CREM: variants seen among roughly 807,000 people sequenced by gnomAD.
CREM encodes the protein cAMP responsive element modulator, also known as cAMP-responsive element modulator.
CREM carries 13 observed loss-of-function variants against 37.3 expected under a neutral mutation model. The ratio of observed to expected loss-of-function variants is 0.35; its 90% CI spans 0.23 to 0.55. The LOEUF (loss-of-function observed/expected upper bound fraction) is 0.55, where lower values mean the gene tolerates loss of function less well. Among genes scored for constraint, CREM ranks in the 20% least tolerant of loss-of-function variants. The pLI is 0.88. For missense variants in CREM, 296 were observed against 362.3 expected (o/e 0.82, Z 1.49); for synonymous variants, 124 against 120.2 (o/e 1.03, Z -0.21).
intron 3 of CREM, chr10:35,158,587 T>G: frequency 6.3e-6 from 1 of 158,864 alleles, no homozygotes; most frequent in South Asian, 1.8e-4. Context: ...CCTCTTGGCC[T>G]TTGTCTGCAA....
intron 5 of CREM, among the ~76,000 whole-genome samples, chr10:35,186,980 TGTG>T (rs1328312531): frequency 8.5e-5 from 8 of 94,486 alleles, no homozygotes; most frequent in Non-Finnish European, 1.1e-4. Flanking sequence ...ATATATTATA[TGTG>T]ATATATATTA....
At chr10:35,197,047 C>T (rs1426988525) in intron 6 of CREM, among the ~76,000 whole-genome samples, 6 of 151,792 alleles carry the variant, frequency 4.0e-5, no homozygotes, top group African/African-American at 1.2e-4. Context: ...TTAATAGAGG[C>T]GGGGTTTCAC....
At chr10:35,201,511 C>G (rs1374086194) in intron 6 of CREM, 2 of 1,551,422 alleles carry the variant, frequency 1.3e-6, no homozygotes, top group African/African-American at 2.7e-5. Context: ...TGGACTAGAA[C>G]CCAGACTCCA....
chr10:35,178,711 G>A (rs572440605), intron 3 of CREM, among the ~76,000 whole-genome samples, 178 bp from the exon 4 acceptor site: 8 of 152,252 alleles, frequency 5.3e-5, no homozygotes, highest in African/African-American at 1.2e-4. Flanking sequence ...AAATGTTTGC[G>A]TCTGCGCTTC....
rs114030032 is a variant in CREM at position 35,145,692 on chromosome 10, C to T, written c.45-2676C>T. The stretch of plus-strand genomic sequence containing the variant: ...TACGTGGGAGGCTAAGGCCAGAGAA[C>T]TGCTGGAACCTGGGAGGCAGAGGTT... On this transcript the variant is annotated intron_variant, in intron 2 of 7. Coordinates refer to ENST00000685392, the MANE Select transcript of CREM (RefSeq NM_183011.2). Among the ~76,000 whole-genome samples the T allele has an allele frequency of 8.6e-3, 1,243 of 144,112 alleles. 21 individuals carry two copies. Among genetic ancestry groups the T allele is most frequent in the African/African-American group, 0.029 (1,125 of 39,250 alleles). 94.5% of individuals were successfully genotyped at this position (144,112 alleles called of 152,430 possible).
At chr10:35,137,571 T>G (rs1399546698) in intron 1 of CREM, among the ~76,000 whole-genome samples, 1 of 152,156 alleles carries the variant, frequency 6.6e-6, no homozygotes, top group Non-Finnish European at 1.5e-5. Flanking sequence ...GAAGTAAGAT[T>G]GACAAAAAAC....
chr10:35,165,070 A>T (rs555488863), intron 3 of CREM, among the ~76,000 whole-genome samples: 3,033 of 150,576 alleles, frequency 0.02, 98 homozygotes, highest in African/African-American at 0.052. Flanking sequence ...AAAAAAAAAA[A>T]AAAAAAAAGA....
In CREM at chr10:35,185,565, A is replaced by G. The variant is rs892391010; in HGVS notation, c.410-2635A>G. Among the ~76,000 whole-genome samples the G allele has an allele frequency of 5.9e-5, 9 of 152,370 alleles. No individual in the cohort carries two copies. The East Asian group carries it at 1.7e-3, about 29-fold the overall frequency. ...ATGTCTAGCCACAAGGGGCCAAGAAAGCAGTGTCTTTTGACATTTTCATAC... is the reference window on the plus strand; with the variant it reads ...ATGTCTAGCCACAAGGGGCCAAGAAGGCAGTGTCTTTTGACATTTTCATAC... On this transcript the variant is annotated intron_variant, in intron 5 of 7. Coordinates refer to ENST00000685392, the MANE Select transcript of CREM (RefSeq NM_183011.2).
In CREM at chr10:35,140,528, G is replaced by C. The variant is rs114127157; in HGVS notation, c.44+2649G>C. ...AGTCTTCCAGGATAATTGATTAATT[G>C]GTTTATTTAGCATATACTGTACTAG... is the stretch of plus-strand genomic sequence containing the variant. On this transcript the variant is annotated intron_variant, in intron 2 of 7. Coordinates refer to ENST00000685392, the MANE Select transcript of CREM (RefSeq NM_183011.2). 5.2e-3 allele frequency among the ~76,000 whole-genome samples: 785 copies of C among 152,172 alleles called. 9 individuals are homozygous for C. The highest frequency in any genetic ancestry group is 0.017 in the African/African-American group (693 of 41,494).
chr10:35,151,683 T>C (rs190659440), intron 3 of CREM, among the ~76,000 whole-genome samples: 12 of 152,302 alleles, frequency 7.9e-5, no homozygotes, highest in African/African-American at 2.6e-4. Context: ...CTGTTTGAAG[T>C]ATTTGATCAA....
Position 35,207,059 on chromosome 10 carries a change from G to T in CREM, c.755+8G>T. On this transcript the variant is annotated splice_region_variant and intron_variant, in intron 7 of 7. Transcript: ENST00000685392. ...GAGGCTAATGAAAAACAGGTGAGGTGTTGCACAGGGAATCGGTAACTTCTA... is the reference window on the plus strand; with the variant it reads ...GAGGCTAATGAAAAACAGGTGAGGTTTTGCACAGGGAATCGGTAACTTCTA... 6.2e-7 allele frequency: 1 copy of T among 1,607,976 alleles called. No individual in the cohort carries two copies. The highest frequency in any genetic ancestry group is 8.5e-7 in the Non-Finnish European group (1 of 1,176,764).
chr10:35,160,450 G>GT (rs2093220045), intron 3 of CREM, among the ~76,000 whole-genome samples: 3 of 152,044 alleles, frequency 2.0e-5, no homozygotes, highest in Non-Finnish European at 4.4e-5. Flanking sequence ...CCAGGCTGGA[G>GT]TACAGTGGCA....
chr10:35,129,961 C>G (rs950859740), intron 1 of CREM, among the ~76,000 whole-genome samples: 5 of 152,052 alleles, frequency 3.3e-5, no homozygotes, highest in African/African-American at 1.2e-4. Flanking sequence ...TTTTGGGAGG[C>G]TGAGGCAGGC....
At chr10:35,184,194 T>TTG (rs1416737693) in intron 5 of CREM, among the ~76,000 whole-genome samples, 2 of 152,152 alleles carry the variant, frequency 1.3e-5, no homozygotes, top group Admixed American at 6.6e-5. Context: ...GCCTAGCAGT[T>TTG]TAAGACCAGC....
intron 1 of CREM, chr10:35,135,374 G>A (rs2090286265): frequency 6.6e-6 from 1 of 151,858 alleles, no homozygotes; most frequent in Non-Finnish European, 1.5e-5. Flanking sequence ...GTATATAAGT[G>A]TTTTAATTTA....
In CREM at chr10:35,184,962, T is replaced by G. The variant is rs562603016; in HGVS notation, c.410-3238T>G. Among the ~76,000 whole-genome samples, 5 of 152,292 alleles carry G rather than the reference T, an allele frequency of 3.3e-5. No individual in the cohort carries two copies. In the South Asian group the frequency reaches 8.3e-4, roughly 25 times the overall value. ...TATGATTGGAATTTGAAACCATACC[T>G]CATTTAACTCTCCTAGATTCACAGG... On this transcript the variant is annotated intron_variant, in intron 5 of 7. Transcript: ENST00000685392.
intron 6 of CREM, chr10:35,196,253 G>C (rs986980307): frequency 6.7e-6 from 4 of 594,454 alleles, no homozygotes; most frequent in Non-Finnish European, 1.1e-5. Context: ...TGTTCAGTCA[G>C]GGAAGTGCTT....
At chr10:35,178,865 A>G in intron 3 of CREM, 24 bp from the exon 4 acceptor site, 1 of 1,571,064 alleles carries the variant, frequency 6.4e-7, no homozygotes, top group African/African-American at 1.4e-5. Flanking sequence ...TTTATGATAC[A>G]TTTCAGAAAA....
At chr10:35,167,815 C>G (rs746769445) in intron 3 of CREM, 12 of 1,608,566 alleles carry the variant, frequency 7.5e-6, no homozygotes, top group Non-Finnish European at 1.0e-5. Context: ...TAAATGATGT[C>G]TGCTATAAGT....
Sources: allele counts gnomAD v4.1 joint callset (sites outside exome capture counted in the v4.1 genomes callset), GRCh38; gene constraint gnomAD v4.1.1; transcripts MANE v1.5; gene names NCBI Gene and HGNC (gene_info 2026-07-23, HGNC 2026-07-21).